TIAM1: variants seen among roughly 807,000 people sequenced by gnomAD.
TIAM1 encodes the protein TIAM Rac1 associated GEF 1.
Under a neutral mutation model 163.5 loss-of-function variants are expected in TIAM1, and 65 were observed. That is an observed-to-expected ratio of 0.40 (90% CI 0.33 to 0.49). The LOEUF (loss-of-function observed/expected upper bound fraction) is 0.49. TIAM1 is among the 20% of genes least tolerant of loss of function. TIAM1 has a pLI of 0.77. For synonymous variants in TIAM1, 833 were observed against 810.1 expected (o/e 1.03, Z -0.48); for missense variants, 1,789 against 2,044.7 (o/e 0.87, Z 2.41).
chr21:31,355,544 T>C, intron 2 of TIAM1, among the ~76,000 whole-genome samples: 1 of 148,596 alleles, frequency 6.7e-6, no homozygotes, highest in South Asian at 2.1e-4. Flanking sequence ...TATTTATTTA[T>C]TTATTTATTT....
chr21:31,366,316 T>C (rs1430031219), intron 2 of TIAM1, among the ~76,000 whole-genome samples: 1 of 152,174 alleles, frequency 6.6e-6, no homozygotes, highest in Non-Finnish European at 1.5e-5. Flanking sequence ...AGTTACCTTA[T>C]TCTTGCCATG....
chr21:31,256,630 T>TACACACACACCA (rs1569115880), intron 4 of TIAM1, among the ~76,000 whole-genome samples: 2 of 148,938 alleles, frequency 1.3e-5, no homozygotes, highest in Non-Finnish European at 1.5e-5. Flanking sequence ...CACACACACG[T>TACACACACACCA]ATATTATCTT....
chr21:31,261,726 C>A (rs575593933), intron 4 of TIAM1, among the ~76,000 whole-genome samples: 3 of 152,058 alleles, frequency 2.0e-5, no homozygotes, highest in Non-Finnish European at 2.9e-5. Flanking sequence ...AAAAAGAATA[C>A]CTGGGTTTTC....
chr21:31,522,656 A>G (rs2047642909), intron 1 of TIAM1, among the ~76,000 whole-genome samples: 1 of 152,188 alleles, frequency 6.6e-6, no homozygotes, highest in South Asian at 2.1e-4. Context: ...AATGGGCCAA[A>G]CCACCAGTTC....
intron 1 of TIAM1, among the ~76,000 whole-genome samples, chr21:31,465,963 C>T (rs1240541591): frequency 1.3e-5 from 2 of 152,236 alleles, no homozygotes. Context: ...GCCTCGGCCT[C>T]CCAAAGTGCT....
intron 1 of TIAM1, among the ~76,000 whole-genome samples, chr21:31,542,117 T>C (rs756299269): frequency 6.6e-6 from 1 of 152,134 alleles, no homozygotes; most frequent in Non-Finnish European, 1.5e-5. Flanking sequence ...CCTTCATTCT[T>C]CTGAATGCTT....
intron 2 of TIAM1, among the ~76,000 whole-genome samples, chr21:31,303,838 C>T (rs971710135): frequency 6.6e-6 from 1 of 151,944 alleles, no homozygotes; most frequent in Admixed American, 6.6e-5. Flanking sequence ...ATTAGCCAGG[C>T]GTAGCGGCAT....
chr21:31,453,441 T>A (rs1310979885), intron 2 of TIAM1, among the ~76,000 whole-genome samples: 1 of 151,910 alleles, frequency 6.6e-6, no homozygotes, highest in Non-Finnish European at 1.5e-5. Context: ...GTGGCTCACG[T>A]CTGTAATCCC....
chr21:31,217,922 C>T (rs1448997313), intron 8 of TIAM1, among the ~76,000 whole-genome samples: 2 of 152,176 alleles, frequency 1.3e-5, no homozygotes, highest in Admixed American at 1.3e-4. Context: ...AAATTCAATC[C>T]TTGTTTGAAA....
At chr21:31,161,034 G>GT (rs1225468841) in intron 16 of TIAM1, 6 of 97,624 alleles carry the variant, frequency 6.1e-5, no homozygotes, top group Non-Finnish European at 1.2e-4. Flanking sequence ...ACTAAGAAAA[G>GT]TTGTGTGTGT....
At chr21:31,364,037 G>T (rs1428685036) in intron 2 of TIAM1, among the ~76,000 whole-genome samples, 2 of 152,160 alleles carry the variant, frequency 1.3e-5, no homozygotes, top group Non-Finnish European at 2.9e-5. Flanking sequence ...CAACACACAG[G>T]CCTGCTGGTG....
intron 6 of TIAM1, among the ~76,000 whole-genome samples, chr21:31,233,550 C>T (rs967381853): frequency 6.6e-6 from 1 of 152,038 alleles, no homozygotes; most frequent in Admixed American, 6.6e-5. Context: ...ACTAAAAATA[C>T]AAAAATTAGC....
intron 3 of TIAM1, 139 bp from the exon 4 acceptor site, chr21:31,267,122 T>C: frequency 8.3e-7 from 1 of 1,200,928 alleles, no homozygotes; most frequent in Admixed American, 2.8e-5. Flanking sequence ...CAGCACAACT[T>C]CCTATATGCA....
chr21:31,526,830 T>C (rs1427843441), intron 1 of TIAM1, among the ~76,000 whole-genome samples: 1 of 152,144 alleles, frequency 6.6e-6, no homozygotes, highest in Non-Finnish European at 1.5e-5. Flanking sequence ...ACCTCCCAAG[T>C]AGCTGGGACT....
At chr21:31,425,284 T>A (rs1276924453) in intron 2 of TIAM1, among the ~76,000 whole-genome samples, 1 of 152,084 alleles carries the variant, frequency 6.6e-6, no homozygotes, top group Non-Finnish European at 1.5e-5. Context: ...GAGGCCCAAG[T>A]CACTGCTTCC....
intron 12 of TIAM1, among the ~76,000 whole-genome samples, chr21:31,202,186 G>A (rs975227035): frequency 7.9e-5 from 12 of 151,928 alleles, no homozygotes; most frequent in African/African-American, 2.4e-4. Flanking sequence ...ACATGGCTAC[G>A]GATGTCACAC....
At chr21:31,123,966 A>G (rs1358474013) in intron 27 of TIAM1, 1 of 152,242 alleles carries the variant, frequency 6.6e-6, no homozygotes, top group East Asian at 1.9e-4. Flanking sequence ...CCAAATTAAC[A>G]TGGAGACTAA....
rs372318431 is a variant in TIAM1, at chr21:31,354,459, A to AC, written c.-368-15038dup. On this transcript the variant is annotated intron_variant, in intron 2 of 28. Transcript: ENST00000286827. ...CTGGGGCCCTTTCACAGAACCAAGG[A>AC]CCCCCCCTCCACACCCCCACCACAC... Among the ~76,000 whole-genome samples, 67 of 150,950 alleles carry AC rather than the reference A, an allele frequency of 4.4e-4. No homozygotes were observed. In the East Asian group the frequency reaches 7.4e-3, roughly 17 times the overall value.
At chr21:31,135,175 G>A (rs2146252863) in intron 23 of TIAM1, among the ~76,000 whole-genome samples, 1 of 152,276 alleles carries the variant, frequency 6.6e-6, no homozygotes, top group South Asian at 2.1e-4. Flanking sequence ...ATGGAGTGTT[G>A]ATAGTTTTAT....
Sources: allele counts gnomAD v4.1 joint callset (sites outside exome capture counted in the v4.1 genomes callset), GRCh38; gene constraint gnomAD v4.1.1; transcripts MANE v1.5; gene names NCBI Gene and HGNC (gene_info 2026-07-23, HGNC 2026-07-21).